Variants in FGF13 observed in about 807,000 individuals in gnomAD.
FGF13 encodes fibroblast growth factor homologous factor 2.
Under a neutral mutation model 19.5 loss-of-function variants are expected in FGF13, and 2 were observed. The ratio of observed to expected loss-of-function variants is 0.10; its 90% CI spans 0.04 to 0.32. The LOEUF is 0.32. Ranked by LOEUF, FGF13 falls within the 10% of genes least tolerant of loss-of-function variation. The pLI, the probability that FGF13 is intolerant of heterozygous loss-of-function variation, is 1.00. For synonymous variants in FGF13, 72 were observed against 76.9 expected (o/e 0.94, Z 0.33); for missense variants, 113 against 192.7 (o/e 0.59, Z 2.45).
chrX:139,134,252 C>T (rs967910282), intron 1 of FGF13, among the ~76,000 whole-genome samples: 7 of 111,757 alleles, frequency 6.3e-5, no homozygotes, highest in African/African-American at 2.0e-4. Flanking sequence ...CTCAATACAG[C>T]TCATTTAATC....
intron 3 of FGF13, among the ~76,000 whole-genome samples, chrX:138,835,248 G>T (rs1308422115): frequency 9.0e-6 from 1 of 111,559 alleles, no homozygotes; most frequent in Non-Finnish European, 1.9e-5. Context: ...TTGTCAGTGG[G>T]TTATTAAAGT....
intron 1 of FGF13, among the ~76,000 whole-genome samples, chrX:138,937,366 T>G (rs1177373668): frequency 8.9e-6 from 1 of 111,848 alleles, no homozygotes; most frequent in African/African-American, 3.3e-5. Flanking sequence ...TGAACCCTCA[T>G]CTGTACTCAT....
At chrX:138,676,476 T>C (rs931937288) in intron 3 of FGF13, among the ~76,000 whole-genome samples, 6 of 111,904 alleles carry the variant, frequency 5.4e-5, no homozygotes, top group Non-Finnish European at 3.8e-5. Context: ...TTCACCACTA[T>C]GTCTCATTGA....
chrX:138,767,137 G>A (rs1321473069), intron 3 of FGF13, among the ~76,000 whole-genome samples: 2 of 111,672 alleles, frequency 1.8e-5, no homozygotes, highest in Non-Finnish European at 3.8e-5. Context: ...GGTGAGAGGG[G>A]ACCAGAACTT....
At chrX:138,992,224 T>C (rs2092019731) in intron 1 of FGF13, among the ~76,000 whole-genome samples, 1 of 111,369 alleles carries the variant, frequency 9.0e-6, no homozygotes, top group East Asian at 2.8e-4. Context: ...TTCTTTATAT[T>C]TGGGGGATAT....
At chrX:139,092,055 G>A (rs2083442823) in intron 1 of FGF13, among the ~76,000 whole-genome samples, 1 of 111,504 alleles carries the variant, frequency 9.0e-6, no homozygotes, top group African/African-American at 3.3e-5. Flanking sequence ...GCTATCTGTT[G>A]CAATATACAG....
intron 1 of FGF13, among the ~76,000 whole-genome samples, chrX:138,889,732 G>A (rs1569418684): frequency 4.5e-5 from 5 of 111,154 alleles, no homozygotes; most frequent in South Asian, 3.9e-4. Flanking sequence ...GAGTTATTAC[G>A]GTGGCATCCT....
At chrX:138,997,702 T>C (rs1256947678) in intron 1 of FGF13, among the ~76,000 whole-genome samples, 1 of 111,866 alleles carries the variant, frequency 8.9e-6, no homozygotes, top group Non-Finnish European at 1.9e-5. Context: ...CAAATATATG[T>C]TTGATTGGTA....
At chrX:138,693,635 A>T (rs1016749694) in intron 3 of FGF13, among the ~76,000 whole-genome samples, 3 of 111,898 alleles carry the variant, frequency 2.7e-5, no homozygotes, top group African/African-American at 9.7e-5. Context: ...TACACACCAA[A>T]ATTAGGAACC....
At chrX:139,152,628 C>T (rs1196153666) in intron 1 of FGF13, among the ~76,000 whole-genome samples, 2 of 110,922 alleles carry the variant, frequency 1.8e-5, no homozygotes, top group Non-Finnish European at 3.8e-5. Context: ...GTCTGAATGC[C>T]TACTCCATGC....
chrX:139,005,102 T>C (rs2092094784), intron 1 of FGF13, among the ~76,000 whole-genome samples: 1 of 104,289 alleles, frequency 9.6e-6, no homozygotes, highest in Non-Finnish European at 1.9e-5. Flanking sequence ...GTGGTTACAG[T>C]GGGCCTTCAG....
chrX:139,150,938 A>T (rs1215683645), intron 1 of FGF13, among the ~76,000 whole-genome samples: 1 of 110,673 alleles, frequency 9.0e-6, no homozygotes, highest in East Asian at 2.8e-4. Flanking sequence ...TCATGACTGA[A>T]TCTTTTCTCA....
chrX:138,816,227 G>A (rs1033159472), intron 3 of FGF13, among the ~76,000 whole-genome samples: 2 of 111,169 alleles, frequency 1.8e-5, no homozygotes, highest in African/African-American at 3.3e-5. Flanking sequence ...TGGCTTTTAC[G>A]TTTATGAAAA....
At chrX:139,158,059 A>G (rs775691125) in intron 1 of FGF13, among the ~76,000 whole-genome samples, 1 of 111,842 alleles carries the variant, frequency 8.9e-6, no homozygotes, top group South Asian at 3.8e-4. Context: ...TGCCATGCGG[A>G]ATGGTGCATT....
chrX:139,015,209 T>C (rs1603127724), intron 1 of FGF13, among the ~76,000 whole-genome samples: 1 of 111,238 alleles, frequency 9.0e-6, no homozygotes, highest in Non-Finnish European at 1.9e-5. Flanking sequence ...GTGGAAGTCC[T>C]AGCTAGAGCA....
intron 1 of FGF13, among the ~76,000 whole-genome samples, chrX:139,004,983 C>T (rs2092094272): frequency 8.9e-6 from 1 of 112,063 alleles, no homozygotes; most frequent in Admixed American, 9.4e-5. Flanking sequence ...CTGACCAGGG[C>T]CTAGGGGAGG....
chrX:138,810,849 C>T (rs960976088), intron 3 of FGF13, among the ~76,000 whole-genome samples: 1 of 112,156 alleles, frequency 8.9e-6, no homozygotes, highest in Non-Finnish European at 1.9e-5. Flanking sequence ...AAAAAATGCT[C>T]ATCATCACTG....
At position 138,900,690 on chromosome X, in the gene FGF13, C is replaced by T. The variant is rs764985505; in HGVS notation, c.-112-36040G>A. Among the ~76,000 whole-genome samples the T allele has an allele frequency of 4.5e-5, 5 of 112,003 alleles. No homozygotes were observed. In the South Asian group the frequency reaches 1.9e-3, roughly 42 times the overall value. On this transcript the variant is annotated intron_variant, in intron 1 of 2. Coordinates refer to the FGF13 transcript ENST00000421460. Reference sequence around the variant, plus strand: ...TGAAATCTGATTGTGTTGCCTCTCACTTAAAACTGTCCAATGGCTTCCCAT... The same window carrying T: ...TGAAATCTGATTGTGTTGCCTCTCATTTAAAACTGTCCAATGGCTTCCCAT...
At chrX:138,959,547 C>G (rs1419331725) in intron 1 of FGF13, among the ~76,000 whole-genome samples, 1 of 111,411 alleles carries the variant, frequency 9.0e-6, no homozygotes, top group East Asian at 2.8e-4. Context: ...CTGGTTGGTG[C>G]AGAGCTGAGT....
Sources: gnomAD v4.1 joint callset for allele counts (sites outside exome capture counted in the v4.1 genomes callset) on GRCh38, gnomAD v4.1.1 for gene constraint, MANE v1.5 for transcripts, NCBI Gene and HGNC (gene_info 2026-07-23, HGNC 2026-07-21) for gene names.